Variants in EYA2 observed in about 807,000 individuals in gnomAD.
The protein encoded by EYA2 is protein phosphatase EYA2.
A neutral mutation model predicts 69.2 loss-of-function variants in EYA2; 31 were observed. That is an observed-to-expected ratio of 0.45 (90% CI 0.34 to 0.60). The LOEUF is 0.60. Among genes scored for constraint, EYA2 ranks in the 20% least tolerant of loss-of-function variants. EYA2 has a pLI of 0.02. For synonymous variants in EYA2, 257 were observed against 279.4 expected (o/e 0.92, Z 0.80); for missense variants, 622 against 701.2 (o/e 0.89, Z 1.28).
At chr20:47,176,899 C>G (rs1040424679) in intron 12 of EYA2, among the ~76,000 whole-genome samples, 1 of 151,794 alleles carries the variant, frequency 6.6e-6, no homozygotes, top group Non-Finnish European at 1.5e-5. Context: ...TCAAGCAATT[C>G]TCCTGCCTCA....
At position 46,925,591 on chromosome 20, in the gene EYA2, C is replaced by T. The variant is rs141987756; in HGVS notation, c.-11+30604C>T. ...ACTTTTAAATATTTGAAAATATGTT[C>T]GATCTCACTTAAAAAAGAGATATGC... On this transcript the variant is annotated intron_variant, in intron 1 of 15. Coordinates refer to ENST00000327619, the MANE Select transcript of EYA2 (RefSeq NM_005244.5). Among the ~76,000 whole-genome samples the T allele has an allele frequency of 4.7e-3, 718 of 152,216 alleles. 4 individuals carry two copies. Among genetic ancestry groups the T allele is most frequent in the Non-Finnish European group, 8.1e-3 (551 of 68,000 alleles).
intron 1 of EYA2, among the ~76,000 whole-genome samples, chr20:46,943,185 T>TGCGG: frequency 6.6e-6 from 1 of 152,340 alleles, no homozygotes; most frequent in South Asian, 2.1e-4. Context: ...GGAGGCGTGC[T>TGCGG]GCGGGCGCCT....
intron 15 of EYA2, 26 bp from the exon 16 acceptor site, chr20:47,188,027 C>T (rs1447331336): frequency 6.4e-7 from 1 of 1,556,838 alleles, no homozygotes; most frequent in South Asian, 1.2e-5. Context: ...GGGCCATAAC[C>T]TTGTGGCTGG....
intron 10 of EYA2, chr20:47,161,501 G>T: frequency 2.2e-6 from 1 of 446,904 alleles, no homozygotes; most frequent in South Asian, 1.7e-5. Flanking sequence ...CCAGGAACTT[G>T]ATCTTCATGT....
chr20:47,053,667 CAAAA>C (rs1215223667), intron 5 of EYA2, among the ~76,000 whole-genome samples: 4 of 66,782 alleles, frequency 6.0e-5, no homozygotes, highest in South Asian at 5.2e-4. Flanking sequence ...GACCTTGTCT[CAAAA>C]AAAAAAAAAA....
At chr20:46,900,810 G>A (rs977914554) in intron 1 of EYA2, among the ~76,000 whole-genome samples, 1 of 152,122 alleles carries the variant, frequency 6.6e-6, no homozygotes, top group African/African-American at 2.4e-5. Context: ...TTTTTTTAAG[G>A]TTACTTAGAT....
intron 4 of EYA2, 38 bp from the exon 5 acceptor site, chr20:47,016,143 T>C: frequency 1.4e-6 from 2 of 1,436,284 alleles, no homozygotes; most frequent in Non-Finnish European, 2.0e-6. Flanking sequence ...CCTAATCATG[T>C]GTCCTTGGTC....
At chr20:47,185,253 C>A (rs1403269004) in intron 15 of EYA2, among the ~76,000 whole-genome samples, 7 of 141,342 alleles carry the variant, frequency 5.0e-5, no homozygotes, top group Non-Finnish European at 9.1e-5. Flanking sequence ...TGCTCATTCT[C>A]TCCCAGAAAA....
chr20:47,124,933 G>A lies in EYA2; in HGVS notation c.889-18126G>A, dbSNP rs184014631. Among the ~76,000 whole-genome samples the A allele has an allele frequency of 8.6e-5, 13 of 151,470 alleles. No individual in the cohort carries two copies. The East Asian group carries it at 1.4e-3, about 16-fold the overall frequency. ...TGCACAAAACCCCAAAAGAGGAACC[G>A]GTTTCAACATCTTTCTTTGTTCTCT... is the stretch of plus-strand genomic sequence containing the variant. On this transcript the variant is annotated intron_variant, in intron 9 of 15. Transcript: ENST00000327619.
At chr20:46,958,878 CTTTAT>C (rs1979301990) in intron 1 of EYA2, among the ~76,000 whole-genome samples, 1 of 152,202 alleles carries the variant, frequency 6.6e-6, no homozygotes, top group Non-Finnish European at 1.5e-5. Flanking sequence ...TGATCTCGTT[CTTTAT>C]TATGGTTGCA....
chr20:47,044,337 A>G (rs557940768), intron 5 of EYA2, among the ~76,000 whole-genome samples: 1 of 152,344 alleles, frequency 6.6e-6, no homozygotes, highest in Admixed American at 6.5e-5. Context: ...ATGTTGGGTG[A>G]CACCCACTGT....
chr20:47,098,554 A>G (rs1201979005), intron 9 of EYA2, among the ~76,000 whole-genome samples: 2 of 152,112 alleles, frequency 1.3e-5, no homozygotes, highest in Non-Finnish European at 2.9e-5. Flanking sequence ...TGTCTCACCA[A>G]CATTCCTCAA....
intron 2 of EYA2, among the ~76,000 whole-genome samples, chr20:46,995,638 G>T (rs58361435): frequency 1.3e-5 from 2 of 152,202 alleles, no homozygotes; most frequent in Non-Finnish European, 2.9e-5. Flanking sequence ...GAGACATCTC[G>T]CTGGCACTAC....
chr20:47,146,265 G>A (rs1321533094), intron 10 of EYA2, among the ~76,000 whole-genome samples: 4 of 152,190 alleles, frequency 2.6e-5, no homozygotes, highest in Admixed American at 1.3e-4. Context: ...GCAGATAGAT[G>A]AGTTTGAACC....
chr20:46,986,519 G>A (rs1981229188), intron 1 of EYA2, among the ~76,000 whole-genome samples: 1 of 130,868 alleles, frequency 7.6e-6, no homozygotes, highest in Non-Finnish European at 1.7e-5. Flanking sequence ...CAATAGAGCT[G>A]ATTTGTGTAT....
chr20:47,072,012 C>A, intron 5 of EYA2, 173 bp from the exon 6 acceptor site: 1 of 660,592 alleles, frequency 1.5e-6, no homozygotes, highest in Non-Finnish European at 2.7e-6. Flanking sequence ...ACAAGTCTCA[C>A]CTGGGTTGCT....
intron 1 of EYA2, among the ~76,000 whole-genome samples, chr20:46,981,996 A>C (rs1980864591): frequency 6.6e-6 from 1 of 152,210 alleles, no homozygotes. Flanking sequence ...TTCTTGATAT[A>C]TCTAAAAGTT....
chr20:46,928,471 G>A (rs1185816873), intron 1 of EYA2, among the ~76,000 whole-genome samples: 2 of 152,196 alleles, frequency 1.3e-5, no homozygotes, highest in Non-Finnish European at 2.9e-5. Context: ...CCTCACTGGA[G>A]CCCTATAAGA....
intron 5 of EYA2, among the ~76,000 whole-genome samples, chr20:47,062,818 G>A (rs2030946165): frequency 1.3e-5 from 2 of 152,198 alleles, no homozygotes; most frequent in Non-Finnish European, 2.9e-5. Flanking sequence ...TGCAGTTGGT[G>A]CCAAAGGGAG....
Sources: gnomAD v4.1 joint callset for allele counts (sites outside exome capture counted in the v4.1 genomes callset) on GRCh38, gnomAD v4.1.1 for gene constraint, MANE v1.5 for transcripts, NCBI Gene and HGNC (gene_info 2026-07-23, HGNC 2026-07-21) for gene names.